KLF3: variants seen among roughly 807,000 people sequenced by gnomAD.
The protein encoded by KLF3 is Krueppel-like factor 3.
A neutral mutation model predicts 32.7 loss-of-function variants in KLF3; 6 were observed. The ratio of observed to expected loss-of-function variants is 0.18; its 90% CI spans 0.10 to 0.36. The LOEUF is 0.36. KLF3 is among the 10% of genes least tolerant of loss of function. The pLI, the probability that KLF3 is intolerant of heterozygous loss-of-function variation, is 1.00. For missense variants in KLF3, 338 were observed against 449.7 expected (o/e 0.75, Z 2.25); for synonymous variants, 145 against 172.8 (o/e 0.84, Z 1.26).
At position 38,700,815 on chromosome 4, in the gene KLF3, C is replaced by T. The variant is rs985380591; in HGVS notation, c.*3552C>T. The T allele has an allele frequency of 6.6e-6, 1 of 152,074 alleles. No individual in the cohort carries two copies. The highest frequency in any genetic ancestry group is 6.5e-5 in the Admixed American group (1 of 15,270). 9.4% of individuals were successfully genotyped at this position (152,074 alleles called of 1,614,324 possible). A position where few individuals can be genotyped will look rare whatever the true frequency, so the allele number is the denominator to read the frequency against. The stretch of plus-strand genomic sequence containing the variant: ...TGAATGGGTAAAGGTTTTTAGCATG[C>T]ATTAGTATACTTGCAGATACTGAAA... On this transcript the variant is annotated 3_prime_UTR_variant, in exon 6 of 6. Transcript: ENST00000261438.
Position 38,696,996 on chromosome 4 carries a change from G to C in KLF3, c.857-86G>C, listed in dbSNP as rs547645668. 12 of 1,118,002 alleles carry C rather than the reference G, an allele frequency of 1.1e-5. No homozygotes were observed. In the East Asian group the frequency reaches 3.0e-4, roughly 28 times the overall value. 69.3% of individuals were successfully genotyped at this position (1,118,002 alleles called of 1,614,324 possible). A position where few individuals can be genotyped will look rare whatever the true frequency, so the allele number is the denominator to read the frequency against. ...AGAACAAATGTATGAACATATCTTG[G>C]AAATAATATTTGTCAAGCATTAACT... On this transcript the variant is annotated intron_variant, in intron 5 of 5. Transcript: ENST00000261438.
In KLF3 at chr4:38,681,542, G is replaced by T. The variant is rs182133754; in HGVS notation, c.57+860G>T. On this transcript the variant is annotated intron_variant, in intron 2 of 5. Transcript: ENST00000261438. ...CCAGGCCACTGGCTGCTTTTAGGCC[G>T]CCAGGGACTAGTGAGGAGTCTGGGG... is the stretch of plus-strand genomic sequence containing the variant. Among the ~76,000 whole-genome samples the T allele has an allele frequency of 7.2e-5, 11 of 152,310 alleles. No individual in the cohort carries two copies. The South Asian group carries it at 1.7e-3, about 23-fold the overall frequency.
At chr4:38,668,781 C>G (rs1722112958) in intron 1 of KLF3, among the ~76,000 whole-genome samples, 1 of 152,164 alleles carries the variant, frequency 6.6e-6, no homozygotes, top group Admixed American at 6.5e-5. Flanking sequence ...TCTTTCTTCT[C>G]TCTTTTGCAG....
At chr4:38,693,637 T>C (rs1028863090) in intron 4 of KLF3, among the ~76,000 whole-genome samples, 1 of 152,194 alleles carries the variant, frequency 6.6e-6, no homozygotes, top group African/African-American at 2.4e-5. Context: ...TCCTGTATTA[T>C]ATGGAACATT....
At chr4:38,690,780 T>C (rs1235053226) in intron 4 of KLF3, 1 of 152,222 alleles carries the variant, frequency 6.6e-6, no homozygotes, top group Non-Finnish European at 1.5e-5. Context: ...CTACCCCCTG[T>C]ACCCCGCTCC....
Position 38,678,530 on chromosome 4 carries a change from A to C in KLF3, c.-39-2057A>C, listed in dbSNP as rs139233013. On this transcript the variant is annotated intron_variant, in intron 1 of 5. Transcript: ENST00000261438. ...TGTGATGGAGGAAAATATAATTTTG[A>C]AGTCAAGGCCTTATGTCGAGTTATT... is the stretch of plus-strand genomic sequence containing the variant. Among the ~76,000 whole-genome samples the C allele has an allele frequency of 3.3e-4, 50 of 152,332 alleles. No individual in the cohort carries two copies. The East Asian group carries it at 7.9e-3, about 24-fold the overall frequency.
chr4:38,665,113 C>G (rs1721985385), intron 1 of KLF3, among the ~76,000 whole-genome samples: 1 of 152,030 alleles, frequency 6.6e-6, no homozygotes. Flanking sequence ...TTGGAGGCAG[C>G]ATCCCATTCT....
intron 2 of KLF3, among the ~76,000 whole-genome samples, chr4:38,687,105 T>C (rs1326462525): frequency 1.3e-5 from 2 of 152,210 alleles, no homozygotes; most frequent in South Asian, 4.1e-4. Flanking sequence ...CAAGGCACCA[T>C]TGGGTTTTCT....
At chr4:38,684,982 C>T (rs913645738) in intron 2 of KLF3, among the ~76,000 whole-genome samples, 7 of 152,196 alleles carry the variant, frequency 4.6e-5, no homozygotes, top group African/African-American at 1.7e-4. Flanking sequence ...GACTAAGCAG[C>T]ATGCACAGAG....
intron 4 of KLF3, chr4:38,690,199 T>G (rs2109253296): frequency 3.5e-6 from 1 of 288,222 alleles, no homozygotes; most frequent in South Asian, 6.8e-5. Context: ...GTTTTTCCAT[T>G]ATGAGAATCC....
chr4:38,668,809 TAGAG>T (rs777220623), intron 1 of KLF3, among the ~76,000 whole-genome samples: 17 of 152,194 alleles, frequency 1.1e-4, no homozygotes, highest in Non-Finnish European at 2.4e-4. Flanking sequence ...AAGTGGTTAA[TAGAG>T]ATAATTAGGG....
Position 38,689,056 on chromosome 4 carries a change from A to G in KLF3, c.529A>G (p.Ser177Gly). ...CTTATCGGAGGAGATGGAAAATTCCAGTAGTAGCATGCAAGGTAAATTCCG... is the reference window on the plus strand; with the variant it reads ...CTTATCGGAGGAGATGGAAAATTCCGGTAGTAGCATGCAAGGTAAATTCCG... Reference protein sequence around the residue: ...VSLSEEMENSSSSMQVPVIES... With the variant: ...VSLSEEMENSGSSMQVPVIES... Residue 177 changes from serine (S) to glycine (G), a missense_variant, in exon 3 of 6, where the codon AGT becomes GGT. Transcript: ENST00000261438. 6.2e-7 allele frequency: 1 copy of G among 1,613,304 alleles called. No homozygotes were observed. Among genetic ancestry groups the G allele is most frequent in the Non-Finnish European group, 8.5e-7 (1 of 1,179,204 alleles).
Position 38,678,009 on chromosome 4 carries a change from G to A in KLF3, c.-39-2578G>A, listed in dbSNP as rs73232889. ...ATGATCACTCTTGCCCCATGGCTGC[G>A]TTAGTTTGCAGCCTGCTTGAGTCTC... On this transcript the variant is annotated intron_variant, in intron 1 of 5. Coordinates refer to ENST00000261438, the MANE Select transcript of KLF3 (RefSeq NM_016531.6). Among the ~76,000 whole-genome samples the A allele has an allele frequency of 7.8e-3, 1,184 of 152,152 alleles. 7 individuals are homozygous for A. Among genetic ancestry groups the A allele is most frequent in the Non-Finnish European group, 0.012 (806 of 68,002 alleles).
At chr4:38,685,011 G>A (rs561895496) in intron 2 of KLF3, among the ~76,000 whole-genome samples, 5 of 152,322 alleles carry the variant, frequency 3.3e-5, no homozygotes, top group South Asian at 2.1e-4. Context: ...AGGTCCATCC[G>A]TGGCCAGAGG....
intron 2 of KLF3, among the ~76,000 whole-genome samples, chr4:38,687,060 C>G (rs1214244052): frequency 6.6e-6 from 1 of 152,152 alleles, no homozygotes. Context: ...CCAAGGAGAC[C>G]CAGAAATTAA....
In KLF3 at chr4:38,671,836, C is replaced by T. The variant is rs537297067; in HGVS notation, c.-40+7375C>T. ...GCAGGAAACCTGTGACATCACTTAG[C>T]CCCTTGCCTTCCTTGATCCCTTTTC... On this transcript the variant is annotated intron_variant, in intron 1 of 5. Coordinates refer to ENST00000261438, the MANE Select transcript of KLF3 (RefSeq NM_016531.6). This position sits in a 1 kb window ranked among gnomAD's most constrained non-coding sequence, Gnocchi z 4.4. Among the ~76,000 whole-genome samples the T allele has an allele frequency of 6.6e-6, 1 of 152,312 alleles. No homozygotes were observed. The highest frequency in any genetic ancestry group is 2.4e-5 in the African/African-American group (1 of 41,554).
intron 3 of KLF3, 24 bp downstream of exon 3, chr4:38,689,095 C>G: frequency 6.2e-7 from 1 of 1,608,818 alleles, no homozygotes. Context: ...CTGCTCCATG[C>G]TGCTGCACTT....
At chr4:38,665,000 C>T (rs1423423434) in intron 1 of KLF3, 1 of 150,400 alleles carries the variant, frequency 6.6e-6, no homozygotes, top group Non-Finnish European at 1.5e-5. Context: ...GCCCGCGCCC[C>T]CCGCCGCCCC....
intron 5 of KLF3, among the ~76,000 whole-genome samples, chr4:38,695,120 A>G (rs571781881): frequency 7.9e-5 from 12 of 152,350 alleles, no homozygotes; most frequent in African/African-American, 2.9e-4. Context: ...CCCCAAAACA[A>G]GGCCACTCAC....
Sources: gnomAD v4.1 joint callset for allele counts (sites outside exome capture counted in the v4.1 genomes callset) on GRCh38, gnomAD v4.1.1 for gene constraint, Gnocchi (gnomAD v3.1) non-coding constraint, MANE v1.5 for transcripts, NCBI Gene and HGNC (gene_info 2026-07-23, HGNC 2026-07-21) for gene names.